The following SHISA9 variants were observed in gnomAD, a reference collection of about 807,000 sequenced individuals.
SHISA9 encodes shisa family member 9, also known as protein shisa-9.
SHISA9 carries 13 observed loss-of-function variants against 38.0 expected under a neutral mutation model. The ratio of observed to expected loss-of-function variants is 0.34; its 90% CI spans 0.22 to 0.54. The LOEUF is 0.54. Ranked by LOEUF, SHISA9 falls within the 20% of genes least tolerant of loss-of-function variation. The pLI is 0.91. For missense variants in SHISA9, 538 were observed against 575.8 expected (o/e 0.93, Z 0.67); for synonymous variants, 275 against 242.0 (o/e 1.14, Z -1.27).
Position 13,180,608 on chromosome 16 carries a change from G to A in SHISA9, c.692-22786G>A, listed in dbSNP as rs565278290. On this transcript the variant is annotated intron_variant, in intron 2 of 4. Transcript: ENST00000558583. The stretch of plus-strand genomic sequence containing the variant: ...AGCTACTTGGGAGGCTGAGGTGGGA[G>A]GATTGCTTGAACCCAGGAGTTTGAG... Among the ~76,000 whole-genome samples the A allele has an allele frequency of 1.4e-3, 213 of 152,286 alleles. 1 individual carries two copies. Among genetic ancestry groups the A allele is most frequent in the African/African-American group, 4.7e-3 (194 of 41,558 alleles).
the SHISA9 span, among the ~76,000 whole-genome samples, chr16:13,364,478 A>T: frequency 6.6e-6 from 1 of 152,264 alleles, no homozygotes; most frequent in African/African-American, 2.4e-5. Context: ...ATGAATATGC[A>T]AGATGGTTCT....
chr16:13,317,198 A>C, the SHISA9 span, among the ~76,000 whole-genome samples: 4 of 152,318 alleles, frequency 2.6e-5, no homozygotes, highest in East Asian at 7.7e-4. Flanking sequence ...TGCAGAATGG[A>C]CCAGAGAGTG....
chr16:13,272,480 G>T, the SHISA9 span, among the ~76,000 whole-genome samples: 2 of 151,932 alleles, frequency 1.3e-5, no homozygotes, highest in Admixed American at 1.3e-4. Flanking sequence ...CTCCCACCTC[G>T]ACCTCAGAAA....
chr16:13,167,072 C>CTTTTTTTTT (rs11372669), intron 2 of SHISA9, among the ~76,000 whole-genome samples: 10 of 124,426 alleles, frequency 8.0e-5, no homozygotes, highest in Non-Finnish European at 1.2e-4. Context: ...TCTCTTTTTT[C>CTTTTTTTTT]TTTTTTTTTT....
At chr16:13,394,931 GTGTGT>G in the SHISA9 span, among the ~76,000 whole-genome samples, 207 of 102,496 alleles carry the variant, frequency 2.0e-3, no homozygotes, top group African/African-American at 8.1e-3. Context: ...TATCTGGGGT[GTGTGT>G]GTGTGTGTGT....
At chr16:13,357,555 T>G in the SHISA9 span, among the ~76,000 whole-genome samples, 2 of 152,148 alleles carry the variant, frequency 1.3e-5, no homozygotes, top group Non-Finnish European at 2.9e-5. Context: ...GGTCCCCCGA[T>G]CCGAGTCACA....
chr16:13,170,417 AATT>A (rs2142020608), intron 2 of SHISA9, among the ~76,000 whole-genome samples: 1 of 152,162 alleles, frequency 6.6e-6, no homozygotes, highest in East Asian at 1.9e-4. Flanking sequence ...AAGACTGGGT[AATT>A]TATAAAGAGA....
At chr16:13,376,881 T>G in the SHISA9 span, among the ~76,000 whole-genome samples, 1 of 152,156 alleles carries the variant, frequency 6.6e-6, no homozygotes, top group Non-Finnish European at 1.5e-5. Context: ...AGAGATGTGT[T>G]GCCCAGGCTG....
the SHISA9 span, chr16:13,562,631 A>G: frequency 1.1e-5 from 1 of 87,816 alleles, no homozygotes; most frequent in Admixed American, 1.0e-4. Flanking sequence ...CTCTGTCTGA[A>G]AAAAAAAAAA....
chr16:13,438,924 C>T, the SHISA9 span, among the ~76,000 whole-genome samples: 2 of 152,138 alleles, frequency 1.3e-5, no homozygotes, highest in South Asian at 4.2e-4. Context: ...GAAAAAGTGA[C>T]CCTAAAAGAA....
chr16:13,472,377 A>AG, the SHISA9 span, among the ~76,000 whole-genome samples: 318 of 55,492 alleles, frequency 5.7e-3, 2 homozygotes, highest in Non-Finnish European at 6.5e-3. Context: ...GCTCTGCTAA[A>AG]TTTTTTTTTT....
the SHISA9 span, among the ~76,000 whole-genome samples, chr16:13,374,131 C>A: frequency 2.0e-5 from 3 of 151,278 alleles, no homozygotes; most frequent in African/African-American, 7.3e-5. Context: ...AATGTCCTGG[C>A]TTATTTCTTT....
chr16:13,169,089 G>GACCTCACA (rs1284561300), intron 2 of SHISA9, among the ~76,000 whole-genome samples: 1 of 152,168 alleles, frequency 6.6e-6, no homozygotes, highest in African/African-American at 2.4e-5. Flanking sequence ...CCCTACGGAA[G>GACCTCACA]ACCTCACACC....
At chr16:13,137,015 A>G (rs1197793780) in intron 2 of SHISA9, among the ~76,000 whole-genome samples, 1 of 152,214 alleles carries the variant, frequency 6.6e-6, no homozygotes, top group Non-Finnish European at 1.5e-5. Context: ...GTCTCCGAGT[A>G]GAATTAGGAA....
intron 2 of SHISA9, among the ~76,000 whole-genome samples, chr16:13,091,388 G>A (rs2073773475): frequency 6.6e-6 from 1 of 152,176 alleles, no homozygotes; most frequent in South Asian, 2.1e-4. Flanking sequence ...ATATCCTGAA[G>A]AGTGTTTTCC....
chr16:13,060,817 G>C lies in SHISA9; in HGVS notation c.692-142577G>C, dbSNP rs147729551. ...CTGGGTAGGGCAGAGCCAAGGGCTG[G>C]CGTGGGAGTTGGAAGTCAGAGACAA... On this transcript the variant is annotated intron_variant, in intron 2 of 4. Coordinates refer to ENST00000558583, the MANE Select transcript of SHISA9 (RefSeq NM_001145204.3). Among the ~76,000 whole-genome samples the C allele has an allele frequency of 7.1e-4, 108 of 152,298 alleles. 1 individual carries two copies. Among genetic ancestry groups the C allele is most frequent in the African/African-American group, 2.5e-3 (103 of 41,566 alleles).
chr16:13,547,259 T>G, the SHISA9 span, among the ~76,000 whole-genome samples: 1 of 152,198 alleles, frequency 6.6e-6, no homozygotes, highest in South Asian at 2.1e-4. Context: ...TAGGGAAGAT[T>G]GAAGATAAAG....
chr16:12,917,031 C>T (rs905289160), intron 2 of SHISA9, among the ~76,000 whole-genome samples: 2 of 152,170 alleles, frequency 1.3e-5, no homozygotes, highest in African/African-American at 2.4e-5. Context: ...TGGTTGGTTT[C>T]ACATGATTGA....
intron 2 of SHISA9, among the ~76,000 whole-genome samples, chr16:13,100,410 C>A (rs2073867055): frequency 6.6e-6 from 1 of 152,114 alleles, no homozygotes; most frequent in African/African-American, 2.4e-5. Context: ...CAGATATGCA[C>A]CAGAACACAC....
Sources: allele counts gnomAD v4.1 joint callset (sites outside exome capture counted in the v4.1 genomes callset), GRCh38; gene constraint gnomAD v4.1.1; transcripts MANE v1.5; gene names NCBI Gene and HGNC (gene_info 2026-07-23, HGNC 2026-07-21).